TENM3: variants seen among roughly 807,000 people sequenced by gnomAD.
The protein encoded by TENM3 is teneurin transmembrane protein 3.
Under a neutral mutation model 255.1 loss-of-function variants are expected in TENM3, and 63 were observed. The observed-to-expected ratio is 0.25, with a 90% CI of 0.20 to 0.30. TENM3 has a LOEUF of 0.30. Ranked by LOEUF, TENM3 falls within the 10% of genes least tolerant of loss-of-function variation. The pLI, the probability that TENM3 is intolerant of heterozygous loss-of-function variation, is 1.00. For missense variants in TENM3, 2,929 were observed against 3,461.1 expected (o/e 0.85, Z 3.86); for synonymous variants, 1,306 against 1,322.3 (o/e 0.99, Z 0.27).
In TENM3 at chr4:182,388,715, TATC is replaced by T. The variant is rs544307205; in HGVS notation, c.511+41789_511+41791del. On this transcript the variant is annotated intron_variant, in intron 3 of 27. Coordinates refer to ENST00000511685, the MANE Select transcript of TENM3 (RefSeq NM_001080477.4). Reference sequence around the variant, plus strand: ...GAAATTTGCTATTGCTTTTGTGTATTATCATGCTTTTGAATCTCAAATTTAGAT... The same window carrying T: ...GAAATTTGCTATTGCTTTTGTGTATTATGCTTTTGAATCTCAAATTTAGAT... Among the ~76,000 whole-genome samples the T allele has an allele frequency of 2.7e-3, 411 of 152,348 alleles. 2 individuals carry two copies. Among genetic ancestry groups the T allele is most frequent in the South Asian group, 9.7e-3 (47 of 4,828 alleles).
chr4:181,631,935 A>G, the TENM3 span, among the ~76,000 whole-genome samples: 1 of 152,178 alleles, frequency 6.6e-6, no homozygotes, highest in Admixed American at 6.5e-5. Flanking sequence ...GGAGCTGAGG[A>G]GAAAAGCAAT....
intron 3 of TENM3, among the ~76,000 whole-genome samples, chr4:182,500,110 G>C (rs2151643074): frequency 6.6e-6 from 1 of 152,236 alleles, no homozygotes; most frequent in African/African-American, 2.4e-5. Flanking sequence ...CTGAAGCATG[G>C]GATCCCAGAA....
intron 1 of TENM3, among the ~76,000 whole-genome samples, chr4:182,177,327 T>G (rs1026845410): frequency 6.6e-6 from 1 of 152,044 alleles, no homozygotes; most frequent in Non-Finnish European, 1.5e-5. Flanking sequence ...ACTTTCTCAA[T>G]CTAAAAAATA....
At chr4:182,233,523 C>T (rs1756708289) in intron 1 of TENM3, among the ~76,000 whole-genome samples, 1 of 152,184 alleles carries the variant, frequency 6.6e-6, no homozygotes, top group Admixed American at 6.5e-5. Flanking sequence ...TTGGCAGCAC[C>T]ATACACTTAC....
the TENM3 span, among the ~76,000 whole-genome samples, chr4:181,609,760 T>C: frequency 6.6e-6 from 1 of 152,264 alleles, no homozygotes; most frequent in Admixed American, 6.5e-5. Context: ...CATATATTAT[T>C]TAACTGCATT....
At chr4:182,287,417 G>A (rs556018492) in intron 1 of TENM3, among the ~76,000 whole-genome samples, 9 of 152,098 alleles carry the variant, frequency 5.9e-5, no homozygotes, top group Admixed American at 2.0e-4. Context: ...AGTTCCTTCC[G>A]CTTGAAATGC....
the TENM3 span, among the ~76,000 whole-genome samples, chr4:182,074,276 C>T: frequency 6.6e-6 from 1 of 152,170 alleles, no homozygotes; most frequent in South Asian, 2.1e-4. Flanking sequence ...GTTTATGGAG[C>T]TGTGGGTGCA....
the TENM3 span, among the ~76,000 whole-genome samples, chr4:182,001,822 G>A: frequency 1.4e-4 from 21 of 152,162 alleles, no homozygotes; most frequent in South Asian, 1.2e-3. Flanking sequence ...GACTATTTAG[G>A]TGGATTTTAT....
the TENM3 span, among the ~76,000 whole-genome samples, chr4:181,608,063 G>A: frequency 6.6e-6 from 1 of 152,232 alleles, no homozygotes; most frequent in Non-Finnish European, 1.5e-5. Flanking sequence ...AGGTTTGTAA[G>A]GTGCAAACAC....
the TENM3 span, among the ~76,000 whole-genome samples, chr4:181,656,040 C>G: frequency 1.3e-5 from 2 of 152,104 alleles, no homozygotes; most frequent in African/African-American, 2.4e-5. Flanking sequence ...CTCCCTTGGC[C>G]CAAAACAGCT....
the TENM3 span, among the ~76,000 whole-genome samples, chr4:181,590,341 C>T: frequency 6.6e-6 from 1 of 152,104 alleles, no homozygotes; most frequent in Non-Finnish European, 1.5e-5. Context: ...TTTTTTCTCC[C>T]CATACTCTAA....
the TENM3 span, among the ~76,000 whole-genome samples, chr4:181,465,333 TA>T: frequency 7.2e-6 from 1 of 139,572 alleles, no homozygotes; most frequent in Non-Finnish European, 1.6e-5. Context: ...TTAAGATATA[TA>T]TTTTTTTCTC....
chr4:182,783,420 G>T (rs1765345609), intron 24 of TENM3, among the ~76,000 whole-genome samples: 1 of 152,210 alleles, frequency 6.6e-6, no homozygotes, highest in Non-Finnish European at 1.5e-5. Flanking sequence ...TCTGCTGAGA[G>T]ATCCGCTATT....
At chr4:181,682,702 T>C in the TENM3 span, among the ~76,000 whole-genome samples, 31 of 152,252 alleles carry the variant, frequency 2.0e-4, no homozygotes, top group African/African-American at 7.2e-4. Context: ...TAAAAATAAG[T>C]AGAATGAATT....
intron 25 of TENM3, among the ~76,000 whole-genome samples, chr4:182,790,291 T>A (rs1296566595): frequency 6.6e-6 from 1 of 152,114 alleles, no homozygotes; most frequent in Non-Finnish European, 1.5e-5. Context: ...GCAGTTACTG[T>A]TCCACCCCTC....
the TENM3 span, among the ~76,000 whole-genome samples, chr4:181,549,832 A>T: frequency 4.0e-3 from 613 of 152,318 alleles, 9 homozygotes; most frequent in South Asian, 0.053. Flanking sequence ...AGCCCATAAA[A>T]CAAGGAAGCT....
chr4:182,700,642 A>G (rs373565351), intron 12 of TENM3, among the ~76,000 whole-genome samples: 19 of 152,222 alleles, frequency 1.2e-4, no homozygotes, highest in African/African-American at 4.6e-4. Context: ...TTTAACAGGC[A>G]TGTACCTTGG....
chr4:182,196,069 GT>G (rs1054445539), intron 1 of TENM3, among the ~76,000 whole-genome samples: 10 of 152,110 alleles, frequency 6.6e-5, no homozygotes, highest in African/African-American at 1.2e-4. Context: ...TCTTTGGGCT[GT>G]TTTTCCCTAG....
chr4:182,528,654 G>A (rs1384821122), intron 3 of TENM3, among the ~76,000 whole-genome samples: 6 of 152,172 alleles, frequency 3.9e-5, no homozygotes, highest in South Asian at 2.1e-4. Flanking sequence ...AACCAATTTT[G>A]TATTACTATG....
Sources: allele counts gnomAD v4.1 joint callset (sites outside exome capture counted in the v4.1 genomes callset), GRCh38; gene constraint gnomAD v4.1.1; transcripts MANE v1.5; gene names NCBI Gene and HGNC (gene_info 2026-07-23, HGNC 2026-07-21).